Variants in STK32B observed in about 807,000 individuals in gnomAD.
STK32B encodes serine/threonine-protein kinase 32B.
STK32B carries 43 observed loss-of-function variants against 52.6 expected under a neutral mutation model. That is an observed-to-expected ratio of 0.82 (90% CI 0.64 to 1.05). The LOEUF (loss-of-function observed/expected upper bound fraction) is 1.05, where lower values mean the gene tolerates loss of function less well. Ranked by LOEUF, STK32B falls within the 50% of genes least tolerant of loss-of-function variation. The pLI, the probability that STK32B is intolerant of heterozygous loss-of-function variation, is 0.00. For missense variants in STK32B, 621 were observed against 534.6 expected (o/e 1.16, Z -1.59); for synonymous variants, 238 against 204.3 (o/e 1.17, Z -1.41).
chr4:5,286,722 T>G (rs1292151509), intron 3 of STK32B, among the ~76,000 whole-genome samples: 5 of 152,098 alleles, frequency 3.3e-5, no homozygotes, highest in African/African-American at 1.2e-4. Flanking sequence ...GGACTGTTTT[T>G]GCATTGTTGA....
At chr4:5,172,479 T>A (rs1397749222) in intron 3 of STK32B, among the ~76,000 whole-genome samples, 1 of 151,888 alleles carries the variant, frequency 6.6e-6, no homozygotes, top group Non-Finnish European at 1.5e-5. Flanking sequence ...TTGAGATATG[T>A]CCCATCAATA....
At chr4:5,422,386 C>G (rs777065545) in intron 6 of STK32B, among the ~76,000 whole-genome samples, 4 of 152,146 alleles carry the variant, frequency 2.6e-5, no homozygotes, top group Non-Finnish European at 4.4e-5. Flanking sequence ...CCAGAATGTT[C>G]CCAACACAGA....
Position 5,378,390 on chromosome 4 carries a change from T to C in STK32B, c.435-19817T>C, listed in dbSNP as rs912450948. On this transcript the variant is annotated intron_variant, in intron 4 of 11. Coordinates refer to ENST00000282908, the MANE Select transcript of STK32B (RefSeq NM_018401.3). This position sits in a 1 kb window ranked among gnomAD's most constrained non-coding sequence, Gnocchi z 4.4. ...CCTAGAGATTCTGAAGCCCTGTGCC[T>C]GGGTCGTAGCCCTGGACTTTGCATT... Among the ~76,000 whole-genome samples the C allele has an allele frequency of 6.6e-6, 1 of 152,242 alleles. No homozygotes were observed. Among genetic ancestry groups the C allele is most frequent in the Non-Finnish European group, 1.5e-5 (1 of 68,038 alleles).
chr4:5,491,712 G>A (rs983561240), intron 11 of STK32B, among the ~76,000 whole-genome samples: 15 of 151,982 alleles, frequency 9.9e-5, no homozygotes, highest in African/African-American at 3.6e-4. Flanking sequence ...ATGGTTTTAG[G>A]TCTAACATTT....
At chr4:5,228,972 GAA>G (rs532828957) in intron 3 of STK32B, among the ~76,000 whole-genome samples, 7 of 150,318 alleles carry the variant, frequency 4.7e-5, no homozygotes, top group African/African-American at 1.7e-4. Context: ...CGTCTCAAAA[GAA>G]AAAAAAAGTT....
At chr4:5,369,120 T>C (rs551225330) in intron 4 of STK32B, among the ~76,000 whole-genome samples, 7 of 151,926 alleles carry the variant, frequency 4.6e-5, no homozygotes, top group Non-Finnish European at 7.4e-5. Context: ...TAAGAACTCC[T>C]TGAAGATCTG....
At chr4:5,047,123 T>G (rs1741634953), upstream of STK32B, among the ~76,000 whole-genome samples, 1 of 152,070 alleles carries the variant, frequency 6.6e-6, no homozygotes, top group Admixed American at 6.5e-5. Flanking sequence ...ATAAAGAAAA[T>G]GTGGTACATA....
intron 1 of STK32B, among the ~76,000 whole-genome samples, chr4:5,099,998 T>C (rs1397591910): frequency 6.6e-6 from 1 of 151,164 alleles, no homozygotes; most frequent in Non-Finnish European, 1.5e-5. Context: ...AATTCAGTTC[T>C]TTAAAAAAAA....
chr4:5,286,047 C>T (rs1037030626), intron 3 of STK32B, among the ~76,000 whole-genome samples: 14 of 151,846 alleles, frequency 9.2e-5, no homozygotes, highest in Non-Finnish European at 1.6e-4. Context: ...AGAAGACGGC[C>T]GTCTACAAGC....
chr4:5,493,436 A>AT (rs1719923203), intron 11 of STK32B, among the ~76,000 whole-genome samples: 1 of 152,000 alleles, frequency 6.6e-6, no homozygotes, highest in Admixed American at 6.6e-5. Context: ...TCCTTTTATC[A>AT]TTTTTTATTG....
At chr4:5,359,868 G>A (rs1006824303) in intron 4 of STK32B, among the ~76,000 whole-genome samples, 2 of 152,156 alleles carry the variant, frequency 1.3e-5, no homozygotes, top group African/African-American at 4.8e-5. Flanking sequence ...GAGACATGAG[G>A]TAATAGGGAC....
Position 5,485,985 on chromosome 4 carries a change from C to T in STK32B, c.1107-12960C>T, listed in dbSNP as rs1240637048. 3.9e-5 allele frequency among the ~76,000 whole-genome samples: 6 copies of T among 152,208 alleles called. No individual in the cohort carries two copies. The East Asian group carries it at 1.2e-3, about 29-fold the overall frequency. ...GGGAGTACCTGGCCGTGTGAGGTGT[C>T]AGTCTGCCCCTACTGCGGGGTGCCT... On this transcript the variant is annotated intron_variant, in intron 11 of 11. Coordinates refer to ENST00000282908, the MANE Select transcript of STK32B (RefSeq NM_018401.3).
chr4:5,242,165 A>G (rs1322147397), intron 3 of STK32B, among the ~76,000 whole-genome samples: 2 of 152,164 alleles, frequency 1.3e-5, no homozygotes, highest in Non-Finnish European at 2.9e-5. Flanking sequence ...GACATCCACA[A>G]TGGCTGAATT....
At chr4:5,064,270 GAT>G (rs1235675933) in intron 1 of STK32B, among the ~76,000 whole-genome samples, 2 of 140,212 alleles carry the variant, frequency 1.4e-5, no homozygotes, top group African/African-American at 5.1e-5. Flanking sequence ...AAACATATAT[GAT>G]ATATATTTAT....
At chr4:5,080,901 G>A (rs561258950) in intron 1 of STK32B, among the ~76,000 whole-genome samples, 398 of 152,222 alleles carry the variant, frequency 2.6e-3, no homozygotes, top group African/African-American at 8.9e-3. Context: ...TCTCCAGAAC[G>A]ATTTGATTTT....
intron 7 of STK32B, among the ~76,000 whole-genome samples, chr4:5,451,303 C>T (rs1715972559): frequency 1.3e-5 from 2 of 152,108 alleles, no homozygotes; most frequent in Non-Finnish European, 2.9e-5. Context: ...AATGTGAGCG[C>T]AGGTAGAGAA....
upstream of STK32B, among the ~76,000 whole-genome samples, chr4:5,046,670 G>A (rs1741623157): frequency 6.6e-6 from 1 of 152,050 alleles, no homozygotes; most frequent in African/African-American, 2.4e-5. Flanking sequence ...CATAAAAACT[G>A]GGCAAAGGAT....
At chr4:5,210,003 G>A (rs1722810309) in intron 3 of STK32B, among the ~76,000 whole-genome samples, 1 of 152,204 alleles carries the variant, frequency 6.6e-6, no homozygotes, top group Admixed American at 6.5e-5. Flanking sequence ...CCAACTGCCT[G>A]ATTTGGATGT....
At chr4:5,052,097 T>C (rs1741811886) in intron 1 of STK32B, among the ~76,000 whole-genome samples, 182 bp downstream of exon 1, 1 of 152,170 alleles carries the variant, frequency 6.6e-6, no homozygotes, top group Non-Finnish European at 1.5e-5. Flanking sequence ...CTGAGGCAAC[T>C]CCTAGGTACC....
Sources: gnomAD v4.1 joint callset for allele counts (sites outside exome capture counted in the v4.1 genomes callset) on GRCh38, gnomAD v4.1.1 for gene constraint, Gnocchi (gnomAD v3.1) non-coding constraint, MANE v1.5 for transcripts, NCBI Gene and HGNC (gene_info 2026-07-23, HGNC 2026-07-21) for gene names.